The following SERPINA6 variants were observed in gnomAD, a reference collection of about 807,000 sequenced individuals.
The protein encoded by SERPINA6 is corticosteroid-binding globulin.
A neutral mutation model predicts 26.4 loss-of-function variants in SERPINA6; 19 were observed. The ratio of observed to expected loss-of-function variants is 0.72; its 90% CI spans 0.50 to 1.06. SERPINA6 has a LOEUF of 1.06. Ranked by LOEUF, SERPINA6 falls within the 50% of genes least tolerant of loss-of-function variation. The probability of loss-of-function intolerance (pLI) is 0.00; values close to 1 mark genes in which losing one functional copy is unlikely to be tolerated. For synonymous variants in SERPINA6, 196 were observed against 199.4 expected (o/e 0.98, Z 0.14); for missense variants, 473 against 504.0 (o/e 0.94, Z 0.59).
chr14:94,310,665 T>C (rs2139719323), intron 2 of SERPINA6, among the ~76,000 whole-genome samples: 1 of 152,292 alleles, frequency 6.6e-6, no homozygotes, highest in East Asian at 1.9e-4. Context: ...TCGTCAGCTC[T>C]GATGGGAAGA....
At chr14:94,309,300 C>T (rs950673249) in intron 3 of SERPINA6, among the ~76,000 whole-genome samples, 2 of 79,420 alleles carry the variant, frequency 2.5e-5, no homozygotes, top group Admixed American at 3.2e-4. Flanking sequence ...TGCATTGGCT[C>T]CATGATGTAT....
Position 94,304,263 on chromosome 14 carries a change from C to A in SERPINA6, c.*155G>T. 1.3e-6 allele frequency: 1 copy of A among 780,158 alleles called. No homozygotes were observed. Among genetic ancestry groups the A allele is most frequent in the Non-Finnish European group, 2.2e-6 (1 of 444,452 alleles). The allele number at this position is 780,158 out of a possible 1,614,324, so 48.3% of individuals were successfully genotyped here. On this transcript the variant is annotated 3_prime_UTR_variant, in exon 5 of 5. Transcript: ENST00000341584. ...ACACCGGTCATCAGAGTCGCAATGACATTTATTAAAAGATGCCTAAAGTTA... is the reference window on the plus strand; with the variant it reads ...ACACCGGTCATCAGAGTCGCAATGAAATTTATTAAAAGATGCCTAAAGTTA...
At chr14:94,313,888 C>T (rs769085462) in intron 2 of SERPINA6, 148 bp downstream of exon 2, 4 of 886,202 alleles carry the variant, frequency 4.5e-6, no homozygotes, top group Non-Finnish European at 3.8e-6. Flanking sequence ...TCCACCTACC[C>T]AGCAGGATTG....
chr14:94,311,059 T>A (rs1436995626), intron 2 of SERPINA6, among the ~76,000 whole-genome samples: 1 of 152,212 alleles, frequency 6.6e-6, no homozygotes, highest in Non-Finnish European at 1.5e-5. Context: ...CACAAACCTT[T>A]TGTAATAGCT....
intron 1 of SERPINA6, among the ~76,000 whole-genome samples, chr14:94,316,703 G>A (rs1270659922): frequency 2.0e-5 from 3 of 152,192 alleles, no homozygotes; most frequent in Non-Finnish European, 2.9e-5. Flanking sequence ...TGAATCAGTG[G>A]ATTGAGTTAA....
At chr14:94,320,909 G>T (rs1895675903) in intron 1 of SERPINA6, among the ~76,000 whole-genome samples, 1 of 152,100 alleles carries the variant, frequency 6.6e-6, no homozygotes, top group Non-Finnish European at 1.5e-5. Context: ...GGGCTTTATT[G>T]AATTCTCCAT....
chr14:94,309,589 C>A (rs72704349), intron 3 of SERPINA6, 147 bp downstream of exon 3: 1 of 837,836 alleles, frequency 1.2e-6, no homozygotes, highest in South Asian at 1.4e-5. Flanking sequence ...AAACTTACAG[C>A]CTTTGGGGGC....
In SERPINA6 at chr14:94,304,600, C is replaced by T; in HGVS notation, c.1036G>A (p.Val346Ile). Reference sequence around the variant, plus strand: ...TTGAGTTGCAGCACAGCTTTATGGACCACCTGTTAGGTACAGAATGAAGAT... The same window carrying T: ...TTGAGTTGCAGCACAGCTTTATGGATCACCTGTTAGGTACAGAATGAAGAT... The part of the protein sequence containing the change: ...QDAQLKSSKV[V>I]HKAVLQLNEE... Residue 346 changes from valine to isoleucine, a missense_variant, in exon 5 of 5, where the codon GTC becomes ATC. Coordinates refer to ENST00000341584, the MANE Select transcript of SERPINA6 (RefSeq NM_001756.4). The T allele has an allele frequency of 6.2e-7, 1 of 1,613,884 alleles. No individual in the cohort carries two copies. Among genetic ancestry groups the T allele is most frequent in the Non-Finnish European group, 8.5e-7 (1 of 1,179,826 alleles).
chr14:94,314,460 A>G lies in SERPINA6; in HGVS notation c.189T>C (p.Ile63=). ...TGGAGATGCTCACAGGGGAGATGAA[A>G]ATGTTCTTTTTGGGACTCAAGGCCA... ...HLVALSPKKN[I]FISPVSISMA... is the part of the protein sequence containing the mutation. The change falls in exon 2 of 5, where the codon ATT becomes ATC. Residue 63 remains isoleucine (I), a synonymous_variant. Coordinates refer to ENST00000341584, the MANE Select transcript of SERPINA6 (RefSeq NM_001756.4). 1 of 1,614,082 alleles carries G rather than the reference A, an allele frequency of 6.2e-7. No homozygotes were observed. Among genetic ancestry groups the G allele is most frequent in the Admixed American group, 1.7e-5 (1 of 60,006 alleles).
rs140409231 is a variant in SERPINA6, at chr14:94,315,214, A to G, written c.-19-547T>C. 1.5e-3 allele frequency among the ~76,000 whole-genome samples: 236 copies of G among 152,334 alleles called. 2 individuals are homozygous for G. The South Asian group carries it at 0.028, about 18-fold the overall frequency. Reference sequence around the variant, plus strand: ...AATAAAAGACCTCTGGTAAAGGTAGATGCGTGGGCAATTATAAGTTATGTT... The same window carrying G: ...AATAAAAGACCTCTGGTAAAGGTAGGTGCGTGGGCAATTATAAGTTATGTT... On this transcript the variant is annotated intron_variant, in intron 1 of 4. Coordinates refer to ENST00000341584, the MANE Select transcript of SERPINA6 (RefSeq NM_001756.4).
chr14:94,318,126 G>A (rs1465961958), intron 1 of SERPINA6, among the ~76,000 whole-genome samples: 2 of 152,100 alleles, frequency 1.3e-5, no homozygotes, highest in Admixed American at 6.5e-5. Context: ...TAATCAGGGA[G>A]GTAAGAGACA....
At chr14:94,319,810 G>C (rs1048706755) in intron 1 of SERPINA6, among the ~76,000 whole-genome samples, 1 of 152,166 alleles carries the variant, frequency 6.6e-6, no homozygotes, top group African/African-American at 2.4e-5. Flanking sequence ...GGGAGATTGG[G>C]GAGTTATTGT....
At chr14:94,318,689 G>A (rs1895644363) in intron 1 of SERPINA6, among the ~76,000 whole-genome samples, 1 of 151,936 alleles carries the variant, frequency 6.6e-6, no homozygotes. Context: ...CTAAAGATGA[G>A]TTAAAATTAT....
chr14:94,315,645 A>G (rs2139724448), intron 1 of SERPINA6, among the ~76,000 whole-genome samples: 1 of 152,332 alleles, frequency 6.6e-6, no homozygotes, highest in Non-Finnish European at 1.5e-5. Context: ...AAGTGAAAGG[A>G]TGGAAAAGTT....
chr14:94,309,451 A>G (rs927102917), intron 3 of SERPINA6, among the ~76,000 whole-genome samples: 2 of 152,226 alleles, frequency 1.3e-5, no homozygotes, highest in Non-Finnish European at 2.9e-5. Context: ...AAAATGCTAC[A>G]AAAATATGAC....
intron 1 of SERPINA6, among the ~76,000 whole-genome samples, chr14:94,321,494 A>T (rs1895684597): frequency 6.6e-6 from 1 of 151,986 alleles, no homozygotes; most frequent in South Asian, 2.1e-4. Context: ...CTTTTCTCCC[A>T]CTGTGGGGCA....
At chr14:94,305,392 C>A (rs939933656) in intron 4 of SERPINA6, among the ~76,000 whole-genome samples, 3 of 152,190 alleles carry the variant, frequency 2.0e-5, no homozygotes, top group African/African-American at 7.2e-5. Context: ...AAGCTGCATA[C>A]CCTCCCTGAG....
intron 2 of SERPINA6, 93 bp from the exon 3 acceptor site, chr14:94,310,099 T>C: frequency 7.7e-7 from 1 of 1,298,768 alleles, no homozygotes; most frequent in Non-Finnish European, 1.1e-6. Context: ...CACAGTGGCC[T>C]TCTGCATGCT....
chr14:94,313,989 T>A, intron 2 of SERPINA6, 47 bp downstream of exon 2: 6 of 1,610,050 alleles, frequency 3.7e-6, no homozygotes, highest in Non-Finnish European at 5.1e-6. Flanking sequence ...CGGCTGTTAT[T>A]CCTGGCCATA....
Sources: allele counts gnomAD v4.1 joint callset (sites outside exome capture counted in the v4.1 genomes callset), GRCh38; gene constraint gnomAD v4.1.1; transcripts MANE v1.5; gene names NCBI Gene and HGNC (gene_info 2026-07-23, HGNC 2026-07-21).